Variants in PDLIM5 observed in about 807,000 individuals in gnomAD.
PDLIM5 encodes the protein PDZ and LIM domain protein 5.
A neutral mutation model predicts 64.2 loss-of-function variants in PDLIM5; 34 were observed. That is an observed-to-expected ratio of 0.53 (90% CI 0.40 to 0.71). PDLIM5 has a LOEUF of 0.71. Ranked by LOEUF, PDLIM5 falls within the 30% of genes least tolerant of loss-of-function variation. The pLI is 0.00. For synonymous variants in PDLIM5, 253 were observed against 269.1 expected (o/e 0.94, Z 0.59); for missense variants, 683 against 733.6 (o/e 0.93, Z 0.80).
intron 2 of PDLIM5, among the ~76,000 whole-genome samples, chr4:94,474,758 T>A (rs896977665): frequency 4.6e-5 from 7 of 152,178 alleles, no homozygotes; most frequent in African/African-American, 1.4e-4. Flanking sequence ...CAAGGGATTC[T>A]CCCACCTCAG....
Position 94,569,380 on chromosome 4 carries a change from C to A in PDLIM5, c.249-3971C>A, listed in dbSNP as rs143314297. On this transcript the variant is annotated intron_variant, in intron 3 of 12. Transcript: ENST00000317968. ...ACAGAGTCTTGCTGGAGTGCAGTGG[C>A]ACAATCTCGGCTCACTGCAACCTCT... Among the ~76,000 whole-genome samples, 495 of 152,172 alleles carry A rather than the reference C, an allele frequency of 3.3e-3. 2 individuals carry two copies. Among genetic ancestry groups the A allele is most frequent in the Non-Finnish European group, 4.6e-3 (313 of 68,012 alleles).
chr4:94,483,520 G>A lies in PDLIM5; in HGVS notation c.96+28136G>A, dbSNP rs190223734. Among the ~76,000 whole-genome samples, 811 of 152,044 alleles carry A rather than the reference G, an allele frequency of 5.3e-3. 1 individual carries two copies. Among genetic ancestry groups the A allele is most frequent in the Non-Finnish European group, 7.9e-3 (539 of 67,960 alleles). The stretch of plus-strand genomic sequence containing the variant: ...GGACCCCAATAAGGTCCATACTTTT[G>A]GATGGTTTGTAAATTTCTTAAATCC... On this transcript the variant is annotated intron_variant, in intron 2 of 12. Coordinates refer to ENST00000317968, the MANE Select transcript of PDLIM5 (RefSeq NM_006457.5).
At chr4:94,622,909 C>T (rs1449566964) in intron 8 of PDLIM5, among the ~76,000 whole-genome samples, 1 of 151,890 alleles carries the variant, frequency 6.6e-6, no homozygotes, top group Non-Finnish European at 1.5e-5. Context: ...GACCTCGTGA[C>T]CCACCCACCC....
At chr4:94,629,303 C>T (rs1015822489) in intron 8 of PDLIM5, among the ~76,000 whole-genome samples, 7 of 151,712 alleles carry the variant, frequency 4.6e-5, no homozygotes, top group Middle Eastern at 3.2e-3. Flanking sequence ...GAGCCGAGAT[C>T]GCGCCACTGC....
At chr4:94,512,089 C>T (rs563467891) in intron 2 of PDLIM5, among the ~76,000 whole-genome samples, 72 of 151,654 alleles carry the variant, frequency 4.7e-4, no homozygotes, top group South Asian at 1.9e-3. Context: ...GGTGCGATCT[C>T]GGCTCACTGC....
intron 3 of PDLIM5, among the ~76,000 whole-genome samples, chr4:94,542,295 G>C (rs552346174): frequency 2.9e-5 from 4 of 137,356 alleles, no homozygotes; most frequent in African/African-American, 1.2e-4. Context: ...CTGGGGGATA[G>C]AGTGAAACTG....
intron 7 of PDLIM5, among the ~76,000 whole-genome samples, chr4:94,590,226 A>G (rs145564105): frequency 7.9e-5 from 12 of 152,332 alleles, no homozygotes; most frequent in African/African-American, 2.6e-4. Context: ...GCTCAGATAG[A>G]TAGACATCTT....
At chr4:94,591,037 G>A (rs895621439) in intron 7 of PDLIM5, among the ~76,000 whole-genome samples, 3 of 152,280 alleles carry the variant, frequency 2.0e-5, no homozygotes, top group Non-Finnish European at 4.4e-5. Flanking sequence ...TAACATGAAT[G>A]TAGGGAACAC....
intron 7 of PDLIM5, among the ~76,000 whole-genome samples, chr4:94,607,586 A>C (rs146704091): frequency 0.014 from 2,199 of 152,268 alleles, 69 homozygotes; most frequent in African/African-American, 0.05. Flanking sequence ...CTGACGTGAA[A>C]CTTTTGGTTG....
rs1738919023 is a variant in PDLIM5 at position 94,617,996 on chromosome 4, C to T, written c.921-8C>T. ...TTCACCAAAGATGTTTCTTTATTTC[C>T]TTTACAGTAACTCTCAGGAGCCTTC... is the stretch of plus-strand genomic sequence containing the variant. On this transcript the variant is annotated splice_region_variant and splice_polypyrimidine_tract_variant and intron_variant, in intron 7 of 12. Coordinates refer to ENST00000317968, the MANE Select transcript of PDLIM5 (RefSeq NM_006457.5). 1 of 1,500,816 alleles carries T rather than the reference C, an allele frequency of 6.7e-7. No homozygotes were observed. Among genetic ancestry groups the T allele is most frequent in the Non-Finnish European group, 8.9e-7 (1 of 1,117,374 alleles). The allele number at this position is 1,500,816 out of a possible 1,614,324, so 93.0% of individuals were successfully genotyped here.
chr4:94,484,229 C>A (rs1208847962), intron 2 of PDLIM5, among the ~76,000 whole-genome samples: 1 of 152,050 alleles, frequency 6.6e-6, no homozygotes, highest in African/African-American at 2.4e-5. Flanking sequence ...TTCTGGATTC[C>A]CATTGAAATA....
At chr4:94,560,718 T>A (rs1733760983) in intron 3 of PDLIM5, among the ~76,000 whole-genome samples, 1 of 152,080 alleles carries the variant, frequency 6.6e-6, no homozygotes, top group Admixed American at 6.6e-5. Context: ...AGGCTAAGAC[T>A]TAGATGTTTG....
chr4:94,573,043 A>G (rs778766649), intron 3 of PDLIM5, among the ~76,000 whole-genome samples: 7 of 152,182 alleles, frequency 4.6e-5, no homozygotes, highest in Non-Finnish European at 7.4e-5. Flanking sequence ...GGTGGGGGGT[A>G]TCCTTAACGA....
At chr4:94,656,725 C>T (rs1742237227) in intron 10 of PDLIM5, 1 of 151,520 alleles carries the variant, frequency 6.6e-6, no homozygotes, top group Non-Finnish European at 1.5e-5. Flanking sequence ...AGTTCCACCT[C>T]ACGAGTTTAT....
chr4:94,579,565 A>C, intron 5 of PDLIM5: 1 of 1,311,934 alleles, frequency 7.6e-7, no homozygotes. Context: ...TGGAGAGGAA[A>C]TATGGTGATT....
chr4:94,657,577 A>G, intron 11 of PDLIM5, 30 bp downstream of exon 11: 2 of 1,561,374 alleles, frequency 1.3e-6, no homozygotes, highest in Non-Finnish European at 1.8e-6. Context: ...TGTTTCTTGA[A>G]TTTTGAATAA....
intron 7 of PDLIM5, among the ~76,000 whole-genome samples, chr4:94,617,542 C>G (rs954371908): frequency 6.6e-6 from 1 of 150,488 alleles, no homozygotes; most frequent in Non-Finnish European, 1.5e-5. Context: ...AATGATGGCT[C>G]ACACCTGTAA....
At chr4:94,518,452 A>G (rs1253884280) in intron 2 of PDLIM5, among the ~76,000 whole-genome samples, 1 of 152,178 alleles carries the variant, frequency 6.6e-6, no homozygotes, top group Non-Finnish European at 1.5e-5. Context: ...GTAATTTTAT[A>G]AAGACACAGT....
chr4:94,465,863 C>T lies in PDLIM5; in HGVS notation c.96+10479C>T, dbSNP rs76649784. On this transcript the variant is annotated intron_variant, in intron 2 of 12. Coordinates refer to ENST00000317968, the MANE Select transcript of PDLIM5 (RefSeq NM_006457.5). ...TGTTTACCTGTTATGCTCTTATTTC[C>T]GAGGAATAGATGACAGTTCTCACTA... Among the ~76,000 whole-genome samples the T allele has an allele frequency of 2.8e-3, 425 of 152,114 alleles. 1 individual carries two copies. The highest frequency in any genetic ancestry group is 4.7e-3 in the Non-Finnish European group (322 of 67,990).
Sources: gnomAD v4.1 joint callset for allele counts (sites outside exome capture counted in the v4.1 genomes callset) on GRCh38, gnomAD v4.1.1 for gene constraint, MANE v1.5 for transcripts, NCBI Gene and HGNC (gene_info 2026-07-23, HGNC 2026-07-21) for gene names.